Variants in OLAH observed in about 807,000 individuals in gnomAD.
OLAH encodes the protein S-acyl fatty acid synthase thioesterase, medium chain.
OLAH carries 33 observed loss-of-function variants against 27.8 expected under a neutral mutation model. The observed-to-expected ratio is 1.19, with a 90% confidence interval of 0.90 to 1.59. OLAH has a LOEUF of 1.59. Ranked by LOEUF, OLAH falls within the 40% of genes most tolerant of loss-of-function variation. OLAH has a pLI of 0.00. For synonymous variants in OLAH, 120 were observed against 102.9 expected, an observed-to-expected ratio of 1.17 and a Z score of -1.01; for missense variants, 359 against 310.8, an observed-to-expected ratio of 1.16 and a Z score of -1.17.
chr10:15,038,798 T>A (rs1452820977), intron 1 of OLAH: 1 of 152,202 alleles, frequency 6.6e-6, no homozygotes, highest in East Asian at 1.9e-4. Context: ...CAGGGACGTG[T>A]TAAAACTCAC....
chr10:15,043,812 T>C (rs935648276), upstream of OLAH: 1 of 152,214 alleles, frequency 6.6e-6, no homozygotes, highest in African/African-American at 2.4e-5. Flanking sequence ...TAATAGATGG[T>C]ACATTGTGTC....
At chr10:15,050,326 G>C (rs1384546128) in intron 3 of OLAH, among the ~76,000 whole-genome samples, 1 of 150,502 alleles carries the variant, frequency 6.6e-6, no homozygotes, top group Non-Finnish European at 1.5e-5. Flanking sequence ...GGAGTGCAGT[G>C]GTGCAATCTC....
At chr10:15,055,296 T>A (rs1272662674) in intron 3 of OLAH, among the ~76,000 whole-genome samples, 1 of 152,228 alleles carries the variant, frequency 6.6e-6, no homozygotes, top group Non-Finnish European at 1.5e-5. Context: ...CTAAGGTTGG[T>A]TGCTGACTAG....
chr10:15,036,978 C>T (rs1376507581), intron 1 of OLAH, among the ~76,000 whole-genome samples: 1 of 151,910 alleles, frequency 6.6e-6, no homozygotes, highest in Non-Finnish European at 1.5e-5. Flanking sequence ...ACTCCGGAGG[C>T]TGAGGCAGGA....
In OLAH at chr10:15,073,239, CT is replaced by C. The variant is rs777796204; in HGVS notation, c.*13del. 2 of 1,532,616 alleles carry C rather than the reference CT, an allele frequency of 1.3e-6. No homozygotes were observed. Among genetic ancestry groups the C allele is most frequent in the African/African-American group, 1.4e-5 (1 of 72,282 alleles). The allele number at this position is 1,532,616 out of a possible 1,614,324, so 94.9% of individuals were successfully genotyped here. A position where few individuals can be genotyped will look rare whatever the true frequency, so the allele number is the denominator to read the frequency against. ...GATATCCAATTTTTAGATATTTTCC[CT>C]TTCACTTTTAAAATAATCAAAGTAA... On this transcript the variant is annotated 3_prime_UTR_variant, in exon 8 of 8. Transcript: ENST00000378228.
intron 4 of OLAH, among the ~76,000 whole-genome samples, chr10:15,062,946 C>T (rs1194271181): frequency 6.6e-6 from 1 of 152,028 alleles, no homozygotes; most frequent in African/African-American, 2.4e-5. Flanking sequence ...ACCATGTTGG[C>T]CAGACTGGTC....
rs554124304 is a variant in OLAH at position 15,052,813 on chromosome 10, G to T, written c.163+3048G>T. Among the ~76,000 whole-genome samples the T allele has an allele frequency of 4.7e-5, 7 of 148,976 alleles. No homozygotes were observed. The East Asian group carries it at 1.2e-3, about 26-fold the overall frequency. ...GCCGGAGTGCAGTGGCGTGATCTCG[G>T]CTCACTGCAGCCTCTGCCTCCCGGG... is the stretch of plus-strand genomic sequence containing the variant. On this transcript the variant is annotated intron_variant, in intron 3 of 7. Transcript: ENST00000378228.
chr10:15,054,121 C>G (rs940742235), intron 3 of OLAH, among the ~76,000 whole-genome samples: 1 of 151,246 alleles, frequency 6.6e-6, no homozygotes, highest in African/African-American at 2.4e-5. Flanking sequence ...TCACTGCAAC[C>G]TCTGTCTCCC....
chr10:15,049,785 C>T lies in OLAH; in HGVS notation c.163+20C>T. On this transcript the variant is annotated intron_variant, in intron 3 of 7. Coordinates refer to ENST00000378228, the MANE Select transcript of OLAH (RefSeq NM_001039702.3). Reference sequence around the variant, plus strand: ...TGGAAGGTATGTTAATTTTTAACATCATTTAAGCAATTTAAAAGGGCAGAT... The same window carrying T: ...TGGAAGGTATGTTAATTTTTAACATTATTTAAGCAATTTAAAAGGGCAGAT... 2 of 1,595,918 alleles carry T rather than the reference C, an allele frequency of 1.3e-6. No individual in the cohort carries two copies. The highest frequency in any genetic ancestry group is 1.7e-6 in the Non-Finnish European group (2 of 1,174,866).
At chr10:15,073,016 AAAT>A in intron 7 of OLAH, 68 bp from the exon 8 acceptor site, 1 of 1,454,360 alleles carries the variant, frequency 6.9e-7, no homozygotes, top group African/African-American at 1.4e-5. Flanking sequence ...GCTCTTAAAG[AAAT>A]GATGTCTTGA....
intron 4 of OLAH, among the ~76,000 whole-genome samples, chr10:15,063,506 T>C (rs1001610748): frequency 6.6e-6 from 1 of 152,250 alleles, no homozygotes; most frequent in Admixed American, 6.5e-5. Context: ...GTGCTGAGTT[T>C]CCCTTTCTTT....
upstream of OLAH, among the ~76,000 whole-genome samples, chr10:15,040,903 A>C (rs1035270600): frequency 7.9e-5 from 12 of 151,992 alleles, no homozygotes; most frequent in Non-Finnish European, 1.3e-4. Context: ...CTCTCTTTTT[A>C]ATTTTCCTCA....
intron 1 of OLAH, among the ~76,000 whole-genome samples, chr10:15,033,039 AT>A (rs34884215): frequency 0.021 from 2,979 of 144,778 alleles, 43 homozygotes; most frequent in African/African-American, 0.052. Flanking sequence ...CAGTGGGCTA[AT>A]TTTTTTTTTT....
At chr10:15,050,616 A>G (rs1319354724) in intron 3 of OLAH, among the ~76,000 whole-genome samples, 1 of 139,762 alleles carries the variant, frequency 7.2e-6, no homozygotes, top group Non-Finnish European at 1.5e-5. Context: ...ATGTTGGCTC[A>G]CTCCAAGCTC....
chr10:15,056,319 C>T (rs1162543222), intron 3 of OLAH, among the ~76,000 whole-genome samples: 2 of 152,116 alleles, frequency 1.3e-5, no homozygotes, highest in African/African-American at 2.4e-5. Flanking sequence ...GAGTCTACAT[C>T]TAGGAATGGA....
chr10:15,061,364 C>T (rs1844358366), intron 3 of OLAH, among the ~76,000 whole-genome samples: 1 of 152,164 alleles, frequency 6.6e-6, no homozygotes, highest in African/African-American at 2.4e-5. Flanking sequence ...TGCCTTATCT[C>T]CTGACCCTCT....
At chr10:15,036,687 G>T (rs1222132009) in intron 1 of OLAH, among the ~76,000 whole-genome samples, 1 of 152,032 alleles carries the variant, frequency 6.6e-6, no homozygotes, top group Non-Finnish European at 1.5e-5. Flanking sequence ...GGGGGGCCTT[G>T]CTATGTTGCC....
At chr10:15,034,537 C>G (rs1471497179) in intron 1 of OLAH, among the ~76,000 whole-genome samples, 1 of 152,238 alleles carries the variant, frequency 6.6e-6, no homozygotes, top group Non-Finnish European at 1.5e-5. Context: ...TAAGGCCCTA[C>G]TGGGATCTGA....
upstream of OLAH, among the ~76,000 whole-genome samples, chr10:15,041,285 T>A (rs1448816729): frequency 2.1e-5 from 3 of 140,700 alleles, no homozygotes; most frequent in East Asian, 2.1e-4. Flanking sequence ...TTTTTATTTT[T>A]ATTTTTTTTG....
Sources: allele counts gnomAD v4.1 joint callset (sites outside exome capture counted in the v4.1 genomes callset), GRCh38; gene constraint gnomAD v4.1.1; transcripts MANE v1.5; gene names NCBI Gene and HGNC (gene_info 2026-07-23, HGNC 2026-07-21).